CRYBG3: variants seen among roughly 807,000 people sequenced by gnomAD.
CRYBG3 encodes the protein very large A-kinase anchor protein.
Under a neutral mutation model 244.2 loss-of-function variants are expected in CRYBG3, and 127 were observed. The ratio of observed to expected loss-of-function variants is 0.52; its 90% confidence interval spans 0.45 to 0.60. CRYBG3 has a LOEUF of 0.60. CRYBG3 is among the 20% of genes least tolerant of loss of function. The pLI is 0.00. For missense variants in CRYBG3, 3,325 were observed against 3,442.5 expected (o/e 0.97, Z 0.85); for synonymous variants, 1,132 against 1,195.8 (o/e 0.95, Z 1.10).
chr3:97,822,669 T>C (rs2038521003), intron 1 of CRYBG3, among the ~76,000 whole-genome samples: 3 of 152,150 alleles, frequency 2.0e-5, no homozygotes, highest in Admixed American at 2.0e-4. Context: ...GGGTTCCCGT[T>C]CCACACACGC....
At chr3:97,855,955 A>G (rs557889306) in intron 2 of CRYBG3, among the ~76,000 whole-genome samples, 12 of 152,286 alleles carry the variant, frequency 7.9e-5, no homozygotes, top group Non-Finnish European at 1.5e-4. Context: ...ACATCTTATC[A>G]GGAGACAGGG....
In CRYBG3 at chr3:97,871,161, T is replaced by G. The variant is rs149481352; in HGVS notation, c.648-681T>G. On this transcript the variant is annotated intron_variant, in intron 3 of 21. Transcript: ENST00000389622. ...AGCATCAGGATCTTTATACTGTGGT[T>G]AGATTTCTATACTTACTCTAGACAT... 7.3e-3 allele frequency among the ~76,000 whole-genome samples: 1,110 copies of G among 152,304 alleles called. 8 individuals are homozygous for G. The highest frequency in any genetic ancestry group is 9.4e-3 in the Non-Finnish European group (639 of 68,010).
chr3:97,848,442 C>G (rs573053350), intron 2 of CRYBG3, among the ~76,000 whole-genome samples: 1 of 152,108 alleles, frequency 6.6e-6, no homozygotes, highest in Non-Finnish European at 1.5e-5. Context: ...GCTGGGACTA[C>G]AGGCACGTGC....
chr3:97,904,531 G>A (rs1191652744), intron 15 of CRYBG3, among the ~76,000 whole-genome samples: 1 of 152,036 alleles, frequency 6.6e-6, no homozygotes, highest in Non-Finnish European at 1.5e-5. Flanking sequence ...TCCAGGATTT[G>A]ATGTTTCATG....
At chr3:97,914,526 G>T (rs571737152) in intron 16 of CRYBG3, among the ~76,000 whole-genome samples, 2 of 152,224 alleles carry the variant, frequency 1.3e-5, no homozygotes, top group African/African-American at 4.8e-5. Flanking sequence ...TAAACACCTG[G>T]AATGTGTGAG....
At position 97,876,973 on chromosome 3, in the gene CRYBG3, A is replaced by C; in HGVS notation, c.5779A>C (p.Thr1927Pro). 1 of 1,512,726 alleles carries C rather than the reference A, an allele frequency of 6.6e-7. No homozygotes were observed. The highest frequency in any genetic ancestry group is 1.4e-5 in the African/African-American group (1 of 71,700). 93.7% of individuals were successfully genotyped at this position (1,512,726 alleles called of 1,614,324 possible). A position where few individuals can be genotyped will look rare whatever the true frequency, so the allele number is the denominator to read the frequency against. The part of the protein sequence containing the change: ...GLIAHENRLP[T>P]YFRGYESPTL... ...GATAGCACATGAAAATAGACTTCCT[A>C]CATATTTCAGGGGATATGAATCCCC... The change falls in exon 4 of 22, where the codon ACA (threonine) becomes CCA (proline). Residue 1927 changes from threonine (T) to proline (P), a missense_variant. Coordinates refer to ENST00000389622, the MANE Select transcript of CRYBG3 (RefSeq NM_153605.4).
At chr3:97,834,472 T>G (rs2038702035) in intron 1 of CRYBG3, among the ~76,000 whole-genome samples, 1 of 152,166 alleles carries the variant, frequency 6.6e-6, no homozygotes, top group Admixed American at 6.5e-5. Context: ...TCTACCTCAG[T>G]GGCAGATCAT....
Position 97,874,559 on chromosome 3 carries a change from T to C in CRYBG3, c.3365T>C (p.Val1122Ala). 6.5e-7 allele frequency: 1 copy of C among 1,533,396 alleles called. No homozygotes were observed. The highest frequency in any genetic ancestry group is 8.7e-7 in the Non-Finnish European group (1 of 1,144,454). The allele number at this position is 1,533,396 out of a possible 1,614,324, so 95.0% of individuals were successfully genotyped here. A position where few individuals can be genotyped will look rare whatever the true frequency, so the allele number is the denominator to read the frequency against. The change falls in exon 4 of 22, where the codon GTA (valine) becomes GCA (alanine). Residue 1122 changes from valine to alanine, a missense_variant. Val to Ala is a moderately conservative substitution (Grantham distance 64, BLOSUM62 0). Around this residue, in one of 4 missense-constraint regions of CRYBG3, gnomAD observed 1,526 missense variants for 1,443.2 expected, o/e 1.06. Transcript: ENST00000389622. ...ACGTCTGTCTCAATTGGGACAGAAGTAACCCCATTTCAGGAACATTTTGGG... is the reference window on the plus strand; with the variant it reads ...ACGTCTGTCTCAATTGGGACAGAAGCAACCCCATTTCAGGAACATTTTGGG... ...FETSVSIGTE[V>A]TPFQEHFGIY...
chr3:97,933,185 T>C (rs533059476), intron 17 of CRYBG3: 1 of 432,382 alleles, frequency 2.3e-6, no homozygotes, highest in East Asian at 7.1e-5. Flanking sequence ...AATGCAGAAA[T>C]CACCACCATT....
rs562492258 is a variant in CRYBG3 at position 97,822,634 on chromosome 3, C to T, written c.149+279C>T. On this transcript the variant is annotated intron_variant, in intron 1 of 21. Transcript: ENST00000389622. Reference sequence around the variant, plus strand: ...GCCTGGCTCCGCGCTCTTCCTTTCCCACTTTCCCCTGCCCGGACGTGATTG... The same window carrying T: ...GCCTGGCTCCGCGCTCTTCCTTTCCTACTTTCCCCTGCCCGGACGTGATTG... 1.6e-4 allele frequency among the ~76,000 whole-genome samples: 24 copies of T among 152,370 alleles called. 1 individual carries two copies. The South Asian group carries it at 2.1e-3, about 13-fold the overall frequency.
chr3:97,867,303 T>C (rs1358777908), intron 3 of CRYBG3: 1 of 152,234 alleles, frequency 6.6e-6, no homozygotes, highest in Non-Finnish European at 1.5e-5. Flanking sequence ...CTTCCTCATT[T>C]GGAAAGCAAC....
chr3:97,871,425 A>G (rs914346485), intron 3 of CRYBG3, among the ~76,000 whole-genome samples: 1 of 152,202 alleles, frequency 6.6e-6, no homozygotes, highest in Non-Finnish European at 1.5e-5. Flanking sequence ...GAAGGTCATT[A>G]TGATGCTTTA....
chr3:97,922,341 A>G (rs569010450), intron 17 of CRYBG3, among the ~76,000 whole-genome samples: 1 of 152,288 alleles, frequency 6.6e-6, no homozygotes, highest in Admixed American at 6.5e-5. Flanking sequence ...GACAAATGGG[A>G]TCTAATTAAA....
chr3:97,863,309 C>G (rs2039177146), intron 2 of CRYBG3, among the ~76,000 whole-genome samples: 2 of 152,108 alleles, frequency 1.3e-5, no homozygotes. Flanking sequence ...TTTTTAGAAT[C>G]TGGAAATAGC....
At chr3:97,899,372 T>C in intron 14 of CRYBG3, 109 bp downstream of exon 14, 1 of 1,196,472 alleles carries the variant, frequency 8.4e-7, no homozygotes. Flanking sequence ...CATGTGTGTA[T>C]ATAGAAAGAA....
chr3:97,912,065 T>G (rs1434700791), intron 15 of CRYBG3, 102 bp from the exon 16 acceptor site: 2 of 526,262 alleles, frequency 3.8e-6, no homozygotes, highest in African/African-American at 4.0e-5. Context: ...GTCTGATATT[T>G]TGCTGCATTT....
chr3:97,851,621 GGAGA>G (rs2038987117), intron 2 of CRYBG3, among the ~76,000 whole-genome samples: 1 of 152,174 alleles, frequency 6.6e-6, no homozygotes, highest in South Asian at 2.1e-4. Flanking sequence ...AGGTAGGGAG[GGAGA>G]GAGGAAGGAG....
intron 15 of CRYBG3, among the ~76,000 whole-genome samples, chr3:97,911,088 C>G (rs544645462): frequency 6.6e-6 from 1 of 152,274 alleles, no homozygotes; most frequent in East Asian, 1.9e-4. Context: ...TTCTCACCTC[C>G]CTGATTTTGA....
chr3:97,841,900 C>G (rs1309367101), intron 1 of CRYBG3, among the ~76,000 whole-genome samples: 1 of 152,146 alleles, frequency 6.6e-6, no homozygotes, highest in Admixed American at 6.6e-5. Context: ...ATATTAAAAG[C>G]AAACAAATAA....
Sources: gnomAD v4.1 joint callset for allele counts (sites outside exome capture counted in the v4.1 genomes callset) on GRCh38, gnomAD v4.1.1 for gene constraint, gnomAD v4.1.1 regional missense constraint, MANE v1.5 for transcripts, NCBI Gene and HGNC (gene_info 2026-07-23, HGNC 2026-07-21) for gene names.